Variants in SPTA1 observed in about 807,000 individuals in gnomAD.
The protein encoded by SPTA1 is spectrin alpha chain, erythrocytic 1.
In SPTA1, 177 loss-of-function variants were observed where a neutral mutation model predicts 324.7. The ratio of observed to expected loss-of-function variants is 0.55; its 90% CI spans 0.48 to 0.62. The LOEUF (loss-of-function observed/expected upper bound fraction) is 0.62. Ranked by LOEUF, SPTA1 falls within the 20% of genes least tolerant of loss-of-function variation. The pLI is 0.00. For missense variants in SPTA1, 3,162 were observed against 2,883.6 expected (o/e 1.10, Z -2.21); for synonymous variants, 1,195 against 1,041.3 (o/e 1.15, Z -2.84).
chr1:158,648,600 G>A lies in SPTA1; in HGVS notation c.3623C>T (p.Ala1208Val). 2 of 1,614,004 alleles carry A rather than the reference G, an allele frequency of 1.2e-6. No individual in the cohort carries two copies. The highest frequency in any genetic ancestry group is 1.7e-6 in the Non-Finnish European group (2 of 1,179,972). ...QIEKKCQALS[A>V]ADPGSDLFSV... ...GAACAGATCTGAGCCAGGGTCTGCA[G>A]CACTGAGGGCCTGGCATTTCTTCTC... The change falls in exon 26 of 52, where the codon GCT becomes GTT. Residue 1208 changes from alanine (A) to valine (V), a missense_variant. Ala to Val is a moderately conservative substitution (Grantham distance 64). Coordinates refer to ENST00000643759, the MANE Select transcript of SPTA1 (RefSeq NM_003126.4).
intron 16 of SPTA1, 21 bp downstream of exon 16, chr1:158,666,295 G>T (rs753739036): frequency 1.1e-5 from 18 of 1,612,274 alleles, no homozygotes; most frequent in Middle Eastern, 1.9e-4. Flanking sequence ...CTTATGGCTG[G>T]CCAAAGAGCT....
chr1:158,652,707 T>A, intron 22 of SPTA1, 54 bp from the exon 23 acceptor site: 4 of 1,593,668 alleles, frequency 2.5e-6, no homozygotes, highest in Non-Finnish European at 3.4e-6. Context: ...TACAGAAGAG[T>A]AGAGGCTGAG....
Position 158,611,134 on chromosome 1 carries a change from C to A in SPTA1, c.*130G>T. The A allele has an allele frequency of 2.4e-6, 1 of 423,648 alleles. No individual in the cohort carries two copies. The highest frequency in any genetic ancestry group is 7.1e-5 in the Admixed American group (1 of 14,154). 26.2% of individuals were successfully genotyped at this position (423,648 alleles called of 1,614,324 possible). A position where few individuals can be genotyped will look rare whatever the true frequency, so the allele number is the denominator to read the frequency against. ...TGTAATATGCACACAAACACAAGCACACACACACACACACACACACACACA... is the reference window on the plus strand; with the variant it reads ...TGTAATATGCACACAAACACAAGCAAACACACACACACACACACACACACA... On this transcript the variant is annotated 3_prime_UTR_variant, in exon 52 of 52. Coordinates refer to ENST00000643759, the MANE Select transcript of SPTA1 (RefSeq NM_003126.4).
At chr1:158,650,107 C>G (rs932173821) in intron 24 of SPTA1, among the ~76,000 whole-genome samples, 160 bp from the exon 25 acceptor site, 1 of 152,176 alleles carries the variant, frequency 6.6e-6, no homozygotes, top group African/African-American at 2.4e-5. Context: ...GAGCTTGGGC[C>G]TCATTTTTGC....
rs1177353050 is a variant in SPTA1, at chr1:158,659,595, A to ATTTTTTTTTTT, written c.2587+1681_2587+1691dup. ...AAAAGAAAATAATAGTCTTAGCATT[A>ATTTTTTTTTTT]TTTTTTTTTTTTTTTTTTTTTTTTT... On this transcript the variant is annotated intron_variant, in intron 18 of 51. Transcript: ENST00000643759. 7.5e-3 allele frequency among the ~76,000 whole-genome samples: 514 copies of ATTTTTTTTTTT among 68,746 alleles called. 79 individuals are homozygous for ATTTTTTTTTTT. Among genetic ancestry groups the ATTTTTTTTTTT allele is most frequent in the Non-Finnish European group, 0.014 (428 of 30,012 alleles). The allele number at this position is 68,746 out of a possible 152,430, so 45.1% of individuals were successfully genotyped here. A position where few individuals can be genotyped will look rare whatever the true frequency, so the allele number is the denominator to read the frequency against.
In SPTA1 at chr1:158,634,746, C is replaced by T. The variant is rs560946303; in HGVS notation, c.5433-71G>A. The T allele has an allele frequency of 1.7e-4, 275 of 1,582,408 alleles. 2 individuals carry two copies. The South Asian group carries it at 2.9e-3, about 17-fold the overall frequency. ...AAGCAGTGGGAGTACAGTGGGGTGGCACAATCTCATTCAGGCAGACCAGCT... is the reference window on the plus strand; with the variant it reads ...AAGCAGTGGGAGTACAGTGGGGTGGTACAATCTCATTCAGGCAGACCAGCT... On this transcript the variant is annotated intron_variant, in intron 38 of 51. Coordinates refer to ENST00000643759, the MANE Select transcript of SPTA1 (RefSeq NM_003126.4).
intron 16 of SPTA1, 85 bp downstream of exon 16, chr1:158,666,231 T>C (rs1304804768): frequency 7.2e-7 from 1 of 1,387,852 alleles, no homozygotes; most frequent in Non-Finnish European, 1.0e-6. Context: ...AATTAATAAG[T>C]AATAATTACT....
Position 158,680,577 on chromosome 1 carries a change from C to G in SPTA1, c.678+6G>C. On this transcript the variant is annotated splice_donor_region_variant and intron_variant, in intron 5 of 51. Coordinates refer to ENST00000643759, the MANE Select transcript of SPTA1 (RefSeq NM_003126.4). ...GCACGGAGTGAATATTTTGCTCCCA[C>G]CTCACCTCGGCACACTCATTGGCAT... The G allele has an allele frequency of 6.2e-7, 1 of 1,613,730 alleles. No individual in the cohort carries two copies. The highest frequency in any genetic ancestry group is 8.5e-7 in the Non-Finnish European group (1 of 1,179,802).
At chr1:158,678,053 A>G (rs187570933) in intron 6 of SPTA1, among the ~76,000 whole-genome samples, 1 of 152,226 alleles carries the variant, frequency 6.6e-6, no homozygotes, top group East Asian at 1.9e-4. Flanking sequence ...GCCTCTAGAG[A>G]TATGTTCCAT....
At chr1:158,632,100 A>G (rs1427864512) in intron 39 of SPTA1, among the ~76,000 whole-genome samples, 1 of 152,222 alleles carries the variant, frequency 6.6e-6, no homozygotes. Context: ...ATTCAATAAA[A>G]TACCATTTAT....
Position 158,659,595 on chromosome 1 carries a change from A to ATTTTTTTTTTTTTTTTTTTTTTTT in SPTA1, c.2587+1668_2587+1691dup, listed in dbSNP as rs1177353050. 5.2e-4 allele frequency among the ~76,000 whole-genome samples: 36 copies of ATTTTTTTTTTTTTTTTTTTTTTTT among 68,778 alleles called. 4 individuals are homozygous for ATTTTTTTTTTTTTTTTTTTTTTTT. The highest frequency in any genetic ancestry group is 1.1e-3 in the Non-Finnish European group (33 of 30,034). 45.1% of individuals were successfully genotyped at this position (68,778 alleles called of 152,430 possible). ...AAAAGAAAATAATAGTCTTAGCATT[A>ATTTTTTTTTTTTTTTTTTTTTTTT]TTTTTTTTTTTTTTTTTTTTTTTTT... On this transcript the variant is annotated intron_variant, in intron 18 of 51. Transcript: ENST00000643759.
chr1:158,681,470 G>T, intron 4 of SPTA1, 57 bp downstream of exon 4: 1 of 1,612,298 alleles, frequency 6.2e-7, no homozygotes, highest in Non-Finnish European at 8.5e-7. Context: ...TTTGCTATGG[G>T]GTACCTGGGA....
intron 51 of SPTA1, chr1:158,612,486 C>A: frequency 2.9e-6 from 1 of 349,994 alleles, no homozygotes; most frequent in Non-Finnish European, 5.5e-6. Context: ...GGGACTGTGT[C>A]TTACTAAAGT....
intron 51 of SPTA1, chr1:158,611,598 G>C (rs1181835362): frequency 2.6e-5 from 13 of 509,540 alleles, no homozygotes; most frequent in Non-Finnish European, 3.8e-5. Context: ...TTGAAAAAGA[G>C]AGCTTACTCA....
Position 158,657,642 on chromosome 1 carries a change from A to G in SPTA1, c.2640T>C (p.Asn880=). The G allele has an allele frequency of 6.2e-7, 1 of 1,614,098 alleles. No homozygotes were observed. The highest frequency in any genetic ancestry group is 8.5e-7 in the Non-Finnish European group (1 of 1,180,000). ...VASRVKSLNQ[N]MESLRARAAR... is the part of the protein sequence containing the mutation. Reference sequence around the variant, plus strand: ...CAGCTCGAGCACGGAGAGACTCCATATTCTGGTTCAAACTCTTGACCCTAG... The same window carrying G: ...CAGCTCGAGCACGGAGAGACTCCATGTTCTGGTTCAAACTCTTGACCCTAG... The change falls in exon 19 of 52, where the codon AAT becomes AAC. Residue 880 remains asparagine (N), a synonymous_variant. Coordinates refer to ENST00000643759, the MANE Select transcript of SPTA1 (RefSeq NM_003126.4).
At position 158,666,488 on chromosome 1, in the gene SPTA1, AACT is replaced by A; in HGVS notation, c.2045_2047del (p.Gln682del). 6.2e-7 allele frequency: 1 copy of A among 1,608,790 alleles called. No homozygotes were observed. The highest frequency in any genetic ancestry group is 8.5e-7 in the Non-Finnish European group (1 of 1,179,928). ...TTGCAGCTGCTGGTTGGCCTCATGC[AACT>A]GGGTCCCTGGGAGAAGACATAAGGT... is the stretch of plus-strand genomic sequence containing the variant. On this transcript the variant is annotated inframe_deletion, in exon 16 of 52. Transcript: ENST00000643759.
intron 44 of SPTA1, among the ~76,000 whole-genome samples, chr1:158,619,942 G>A (rs116296435): frequency 1.6e-3 from 237 of 152,194 alleles, no homozygotes; most frequent in African/African-American, 5.6e-3. Context: ...TTGCTTCTCA[G>A]AATCATTGTT....
intron 37 of SPTA1, 45 bp from the exon 38 acceptor site, chr1:158,636,079 C>T: frequency 6.2e-7 from 1 of 1,613,952 alleles, no homozygotes; most frequent in Non-Finnish European, 8.5e-7. Flanking sequence ...CACAATCTCT[C>T]CCCATTTAGC....
intron 19 of SPTA1, 59 bp downstream of exon 19, chr1:158,657,418 A>T (rs1652904518): frequency 6.5e-7 from 1 of 1,534,848 alleles, no homozygotes; most frequent in South Asian, 1.1e-5. Context: ...CAAACCCTAA[A>T]TTGATAATTT....
Sources: allele counts gnomAD v4.1 joint callset (sites outside exome capture counted in the v4.1 genomes callset), GRCh38; gene constraint gnomAD v4.1.1; transcripts MANE v1.5; gene names NCBI Gene and HGNC (gene_info 2026-07-23, HGNC 2026-07-21).